The following CCDC73 variants were observed in gnomAD, a reference collection of about 807,000 sequenced individuals.
The protein encoded by CCDC73 is coiled-coil domain containing 73, also known as coiled-coil domain-containing protein 73.
CCDC73 carries 95 observed loss-of-function variants against 116.5 expected under a neutral mutation model. That is an observed-to-expected ratio of 0.82 (90% CI 0.69 to 0.97). CCDC73 has a LOEUF of 0.97. Ranked by LOEUF, CCDC73 falls within the 50% of genes least tolerant of loss-of-function variation. The pLI is 0.00. For missense variants in CCDC73, 1,066 were observed against 1,206.8 expected (o/e 0.88, Z 1.73); for synonymous variants, 398 against 401.3 (o/e 0.99, Z 0.10).
intron 4 of CCDC73, among the ~76,000 whole-genome samples, chr11:32,701,059 G>A (rs1849806679): frequency 6.6e-6 from 1 of 152,046 alleles, no homozygotes; most frequent in Non-Finnish European, 1.5e-5. Context: ...GTCTTGCTAT[G>A]TTGCCCAGGC....
upstream of CCDC73, among the ~76,000 whole-genome samples, chr11:32,796,901 G>C (rs1172993579): frequency 6.6e-6 from 1 of 150,988 alleles, no homozygotes; most frequent in Non-Finnish European, 1.5e-5. Context: ...AATCCCAGCT[G>C]CTCCGGACGC....
At chr11:32,607,820 A>G (rs1855375137) in intron 17 of CCDC73, among the ~76,000 whole-genome samples, 1 of 82,912 alleles carries the variant, frequency 1.2e-5, no homozygotes, top group African/African-American at 3.6e-5. Flanking sequence ...GGAAAAAAAA[A>G]GATAGGTTTA....
At chr11:32,774,844 GT>G (rs978562098) in intron 1 of CCDC73, among the ~76,000 whole-genome samples, 1 of 152,112 alleles carries the variant, frequency 6.6e-6, no homozygotes, top group African/African-American at 2.4e-5. Context: ...TCACAATCTG[GT>G]TGGAGAGACA....
At chr11:32,611,983 T>C (rs770329264) in intron 16 of CCDC73, among the ~76,000 whole-genome samples, 24 of 152,230 alleles carry the variant, frequency 1.6e-4, no homozygotes, top group Non-Finnish European at 2.5e-4. Context: ...TCTTAAGTAA[T>C]ATATTTTGTG....
chr11:32,751,986 A>G (rs1042352064), intron 2 of CCDC73, among the ~76,000 whole-genome samples: 15 of 152,214 alleles, frequency 9.9e-5, no homozygotes, highest in African/African-American at 3.6e-4. Context: ...AAGCATTTAT[A>G]TGGTAGCTTG....
chr11:32,665,934 A>G (rs1433649180), intron 9 of CCDC73, among the ~76,000 whole-genome samples: 1 of 152,186 alleles, frequency 6.6e-6, no homozygotes, highest in African/African-American at 2.4e-5. Context: ...GTTTGGCTGG[A>G]TATGAAATTC....
intron 1 of CCDC73, among the ~76,000 whole-genome samples, chr11:32,764,722 C>A (rs1333585213): frequency 6.6e-6 from 1 of 152,132 alleles, no homozygotes; most frequent in Non-Finnish European, 1.5e-5. Context: ...GCAAAATAAC[C>A]AGCTAACATC....
intron 16 of CCDC73, among the ~76,000 whole-genome samples, chr11:32,612,254 A>G (rs1198401587): frequency 6.6e-6 from 1 of 152,208 alleles, no homozygotes; most frequent in Non-Finnish European, 1.5e-5. Context: ...TTCCCTTAAA[A>G]TATAAGAATG....
In CCDC73 at chr11:32,784,350, T is replaced by C. The variant is rs183539238; in HGVS notation, c.-16+10263A>G. Among the ~76,000 whole-genome samples, 29 of 148,136 alleles carry C rather than the reference T, an allele frequency of 2.0e-4. No individual in the cohort carries two copies. In the East Asian group the frequency reaches 5.7e-3, roughly 29 times the overall value. The stretch of plus-strand genomic sequence containing the variant: ...GTCTCAAAAAAAAAAAAGAAAGCAA[T>C]GGGGAAAAATAAGACAATCCAAGGT... On this transcript the variant is annotated intron_variant, in intron 1 of 17. Coordinates refer to ENST00000335185, the MANE Select transcript of CCDC73 (RefSeq NM_001008391.4).
At chr11:32,604,815 CAT>C (rs1855324702) in intron 17 of CCDC73, 1 of 152,048 alleles carries the variant, frequency 6.6e-6, no homozygotes, top group Admixed American at 6.5e-5. Flanking sequence ...ATGTTAGTAA[CAT>C]TGTCATTTTC....
At chr11:32,729,545 A>G (rs1012427603) in intron 2 of CCDC73, among the ~76,000 whole-genome samples, 1 of 152,210 alleles carries the variant, frequency 6.6e-6, no homozygotes, top group Non-Finnish European at 1.5e-5. Flanking sequence ...TATACCCAAC[A>G]ATGGGATTGG....
intron 17 of CCDC73, chr11:32,604,573 G>T (rs946976842): frequency 6.6e-6 from 1 of 151,992 alleles, no homozygotes; most frequent in East Asian, 1.9e-4. Flanking sequence ...ATTTTTATTG[G>T]TTTATATGCT....
the CCDC73 span, chr11:32,830,253 A>C: frequency 4.8e-6 from 5 of 1,040,388 alleles, no homozygotes; most frequent in Non-Finnish European, 6.1e-6. Context: ...GTTGGATTCG[A>C]ACACATAGCG....
intron 2 of CCDC73, among the ~76,000 whole-genome samples, chr11:32,738,177 T>G (rs1044325229): frequency 6.6e-6 from 1 of 152,230 alleles, no homozygotes; most frequent in Admixed American, 6.5e-5. Flanking sequence ...AGTACAGATA[T>G]CTCTTTGATA....
intron 3 of CCDC73, among the ~76,000 whole-genome samples, chr11:32,717,450 C>T (rs985327635): frequency 6.6e-6 from 1 of 152,102 alleles, no homozygotes; most frequent in Non-Finnish European, 1.5e-5. Flanking sequence ...CAATGTGTTT[C>T]TCAGATGTAA....
At chr11:32,661,869 G>A (rs1855931499) in intron 9 of CCDC73, among the ~76,000 whole-genome samples, 1 of 151,502 alleles carries the variant, frequency 6.6e-6, no homozygotes, top group Non-Finnish European at 1.5e-5. Context: ...GGAGTGTGAT[G>A]TTCCCCTTCC....
At chr11:32,716,287 T>C (rs1437714263) in intron 3 of CCDC73, among the ~76,000 whole-genome samples, 2 of 152,190 alleles carry the variant, frequency 1.3e-5, no homozygotes, top group Admixed American at 1.3e-4. Context: ...GAATAATCCA[T>C]TATTCCCCAC....
At chr11:32,826,029 CTG>C in the CCDC73 span, among the ~76,000 whole-genome samples, 1 of 152,198 alleles carries the variant, frequency 6.6e-6, no homozygotes, top group Non-Finnish European at 1.5e-5. Context: ...ACCCCTCACA[CTG>C]TTCTTTTATT....
chr11:32,755,450 C>T (rs544221906), intron 2 of CCDC73, among the ~76,000 whole-genome samples: 125 of 146,730 alleles, frequency 8.5e-4, no homozygotes, highest in Non-Finnish European at 1.6e-3. Context: ...AGGAGAATCG[C>T]TTGAACCCAG....
Sources: gnomAD v4.1 joint callset for allele counts (sites outside exome capture counted in the v4.1 genomes callset) on GRCh38, gnomAD v4.1.1 for gene constraint, MANE v1.5 for transcripts, NCBI Gene and HGNC (gene_info 2026-07-23, HGNC 2026-07-21) for gene names.